VCAN: variants seen among roughly 807,000 people sequenced by gnomAD.
The protein encoded by VCAN is versican.
VCAN carries 44 observed loss-of-function variants against 245.5 expected under a neutral mutation model. That is an observed-to-expected ratio of 0.18 (90% CI 0.14 to 0.23). The LOEUF (loss-of-function observed/expected upper bound fraction) is 0.23. Ranked by LOEUF, VCAN falls within the 10% of genes least tolerant of loss-of-function variation. The pLI, the probability that VCAN is intolerant of heterozygous loss-of-function variation, is 1.00. For missense variants in VCAN, 3,793 were observed against 4,057.9 expected (o/e 0.93, Z 1.77); for synonymous variants, 1,413 against 1,437.0 (o/e 0.98, Z 0.38).
Position 83,580,447 on chromosome 5 carries a change from C to A in VCAN, c.*13C>A, listed in dbSNP as rs374594396. The stretch of plus-strand genomic sequence containing the variant: ...GTCGAGGCGCTGATCCCTAAAATGG[C>A]GAACATGTGTTTTCATCATTTCAGC... On this transcript the variant is annotated 3_prime_UTR_variant, in exon 15 of 15. Transcript: ENST00000265077. 2.5e-6 allele frequency: 4 copies of A among 1,613,310 alleles called. No homozygotes were observed. Among genetic ancestry groups the A allele is most frequent in the African/African-American group, 1.3e-5 (1 of 74,884 alleles).
chr5:83,542,091 G>A lies in VCAN; in HGVS notation c.9088G>A (p.Glu3030Lys), dbSNP rs532193026. 9.2e-5 allele frequency: 148 copies of A among 1,614,022 alleles called. 1 individual carries two copies. The South Asian group carries it at 1.6e-3, about 17-fold the overall frequency. The change falls in exon 8 of 15, where the codon GAA becomes AAA. Residue 3030 changes from glutamate (E) to lysine (K), a missense_variant. Glu to Lys is a moderately conservative substitution (Grantham distance 56). Coordinates refer to ENST00000265077, the MANE Select transcript of VCAN (RefSeq NM_004385.5). ...RGQDSTIAAS[E>K]QQVAARILDS... ...GCAGGATTCCACGATAGCAGCATCA[G>A]AACAGCAAGTGGCAGCGAGAATTCT...
At chr5:83,523,868 G>T (rs879258180) in intron 7 of VCAN, among the ~76,000 whole-genome samples, 7 of 152,044 alleles carry the variant, frequency 4.6e-5, no homozygotes, top group Admixed American at 4.6e-4. Context: ...ATTGCGTTAG[G>T]CTGGAAAAGA....
At chr5:83,551,819 C>T (rs1422697881) in intron 10 of VCAN, among the ~76,000 whole-genome samples, 2 of 152,094 alleles carry the variant, frequency 1.3e-5, no homozygotes, top group Non-Finnish European at 2.9e-5. Context: ...TCTCACCTTA[C>T]CTCTAAATTC....
rs778668390 is a variant in VCAN, at chr5:83,539,713, C to T, written c.6710C>T (p.Pro2237Leu). The T allele has an allele frequency of 8.7e-6, 14 of 1,613,472 alleles. No individual in the cohort carries two copies. Among genetic ancestry groups the T allele is most frequent in the Admixed American group, 1.7e-5 (1 of 59,934 alleles). The change falls in exon 8 of 15, where the codon CCG becomes CTG. Residue 2237 changes from proline to leucine, a missense_variant. Transcript: ENST00000265077. ...IKKEESTKHF[P>L]KGMRPTIQES... is the part of the protein sequence containing the mutation. ...AAGGAAGAAAGTACAAAACATTTTC[C>T]GAAAGGCATGAGACCAACAATTCAA...
rs1744690440 is a variant in VCAN at position 83,483,606 on chromosome 5, T to G, written c.70+18T>G. On this transcript the variant is annotated intron_variant, in intron 2 of 14. Transcript: ENST00000265077. ...ACATAAAGGTGAGTGTGCTAACAATTTCTTTGGTGTTAATTGAAATAAAAA... is the reference window on the plus strand; with the variant it reads ...ACATAAAGGTGAGTGTGCTAACAATGTCTTTGGTGTTAATTGAAATAAAAA... 2 of 1,608,076 alleles carry G rather than the reference T, an allele frequency of 1.2e-6. No individual in the cohort carries two copies. Among genetic ancestry groups the G allele is most frequent in the Non-Finnish European group, 1.7e-6 (2 of 1,174,808 alleles).
chr5:83,573,128 G>A (rs866261332), intron 13 of VCAN, among the ~76,000 whole-genome samples: 5 of 151,988 alleles, frequency 3.3e-5, no homozygotes, highest in Non-Finnish European at 5.9e-5. Flanking sequence ...TCAATCTCTT[G>A]ACCTTGTAAT....
intron 1 of VCAN, among the ~76,000 whole-genome samples, chr5:83,474,033 G>A (rs144224638): frequency 6.6e-6 from 1 of 152,252 alleles, no homozygotes; most frequent in Non-Finnish European, 1.5e-5. Flanking sequence ...AGGTCTAGAC[G>A]CGCCACCCTG....
intron 13 of VCAN, among the ~76,000 whole-genome samples, chr5:83,578,025 T>C (rs1249487107): frequency 2.0e-5 from 3 of 152,200 alleles, no homozygotes; most frequent in Non-Finnish European, 2.9e-5. Context: ...ATTATTGAAT[T>C]GATCATTTTT....
chr5:83,532,747 C>T (rs147645434), intron 7 of VCAN, among the ~76,000 whole-genome samples: 1 of 152,046 alleles, frequency 6.6e-6, no homozygotes, highest in East Asian at 1.9e-4. Context: ...TGCAAGTTGT[C>T]GCGAACTTAT....
intron 5 of VCAN, among the ~76,000 whole-genome samples, chr5:83,497,901 A>G (rs1580608516): frequency 6.6e-6 from 1 of 152,292 alleles, no homozygotes; most frequent in South Asian, 2.1e-4. Context: ...GATAAATTGG[A>G]GGATTGCAGA....
rs1001580832 is a variant in VCAN at position 83,541,529 on chromosome 5, G to A, written c.8526G>A (p.Glu2842=). ...GCAGTGAAGCCTCTGGACACACAGA[G>A]ATCCCCCAGCCCAGTGCTCTGCCAG... is the stretch of plus-strand genomic sequence containing the variant. ...YSGSEASGHT[E]IPQPSALPGI... is the part of the protein sequence containing the mutation. The change falls in exon 8 of 15, where the codon GAG becomes GAA. Residue 2842 remains glutamate (E), a synonymous_variant. Transcript: ENST00000265077. The A allele has an allele frequency of 6.2e-7, 1 of 1,613,808 alleles. No homozygotes were observed. The highest frequency in any genetic ancestry group is 1.3e-5 in the African/African-American group (1 of 74,912).
In VCAN at chr5:83,490,321, A is replaced by C. The variant is rs1312675370; in HGVS notation, c.294A>C (p.Lys98Asn). 1.2e-6 allele frequency: 2 copies of C among 1,614,096 alleles called. No homozygotes were observed. The highest frequency in any genetic ancestry group is 1.7e-6 in the Non-Finnish European group (2 of 1,180,050). Residue 98 changes from lysine to asparagine, a missense_variant, in exon 3 of 15, where the codon AAA (lysine) becomes AAC (asparagine). Lys to Asn is a moderately conservative substitution (Grantham distance 94). This residue lies in a region of VCAN where 179 missense variants were observed against 169.7 expected (regional missense o/e 1.05). Coordinates refer to ENST00000265077, the MANE Select transcript of VCAN (RefSeq NM_004385.5). ...NGNIKIGQDY[K>N]GRVSVPTHPE... ...ATATCAAGATTGGTCAGGACTACAA[A>C]GGGAGAGTGTCTGTGCCCACACATC...
chr5:83,511,454 A>G (rs1012377964), intron 5 of VCAN, among the ~76,000 whole-genome samples: 8 of 152,104 alleles, frequency 5.3e-5, no homozygotes, highest in African/African-American at 1.7e-4. Flanking sequence ...GCTCCTGTGC[A>G]GGCCGCGACC....
intron 5 of VCAN, among the ~76,000 whole-genome samples, chr5:83,503,270 A>G (rs990984699): frequency 3.3e-5 from 5 of 152,194 alleles, no homozygotes; most frequent in African/African-American, 9.7e-5. Context: ...GAAAAAGCTT[A>G]AAAGTCCAAC....
intron 1 of VCAN, among the ~76,000 whole-genome samples, chr5:83,482,174 T>C (rs1744636960): frequency 6.6e-6 from 1 of 152,234 alleles, no homozygotes; most frequent in Non-Finnish European, 1.5e-5. Flanking sequence ...CTCAGCTTCA[T>C]TTCCAGAGGT....
In VCAN at chr5:83,519,677, A is replaced by G. The variant is rs749096307; in HGVS notation, c.1371A>G (p.Glu457=). The part of the protein sequence containing the change: ...LGKLDISEIK[E]EVLQSTTGVS... ...AGCTAGACATATCAGAAATTAAGGAAGAAGTGCTCCAGAGTACAACTGGCG... is the reference window on the plus strand; with the variant it reads ...AGCTAGACATATCAGAAATTAAGGAGGAAGTGCTCCAGAGTACAACTGGCG... The change falls in exon 7 of 15, where the codon GAA becomes GAG. Residue 457 remains glutamate (E), a synonymous_variant. Coordinates refer to ENST00000265077, the MANE Select transcript of VCAN (RefSeq NM_004385.5). 1.8e-5 allele frequency: 29 copies of G among 1,614,042 alleles called. 1 individual carries two copies. The East Asian group carries it at 2.2e-4, about 12-fold the overall frequency.
At chr5:83,563,275 A>C (rs1313851935) in intron 12 of VCAN, among the ~76,000 whole-genome samples, 8 of 152,214 alleles carry the variant, frequency 5.3e-5, no homozygotes, top group Non-Finnish European at 8.8e-5. Context: ...AACCTTAAGC[A>C]AGTACAAGGA....
chr5:83,483,936 C>A (rs546267700), intron 2 of VCAN, among the ~76,000 whole-genome samples: 1 of 152,186 alleles, frequency 6.6e-6, no homozygotes, highest in South Asian at 2.1e-4. Flanking sequence ...TATTAAACAC[C>A]CAGTGGGCTA....
rs576172701 is a variant in VCAN at position 83,576,077 on chromosome 5, C to T, written c.9880+3517C>T. Among the ~76,000 whole-genome samples the T allele has an allele frequency of 9.2e-5, 14 of 152,114 alleles. No individual in the cohort carries two copies. In the South Asian group the frequency reaches 1.2e-3, roughly 14 times the overall value. ...TTAATTAACTATTACATACTTGTAA[C>T]GATTTATAATATATACAAAAGGCAT... On this transcript the variant is annotated intron_variant, in intron 13 of 14. Transcript: ENST00000265077.
Sources: gnomAD v4.1 joint callset for allele counts (sites outside exome capture counted in the v4.1 genomes callset) on GRCh38, gnomAD v4.1.1 for gene constraint, gnomAD v4.1.1 regional missense constraint, MANE v1.5 for transcripts, NCBI Gene and HGNC (gene_info 2026-07-23, HGNC 2026-07-21) for gene names.